Variants in CTNNBIP1 observed in about 807,000 individuals in gnomAD.
CTNNBIP1 encodes the protein beta-catenin-interacting protein 1.
In CTNNBIP1, 7 loss-of-function variants were observed where a neutral mutation model predicts 11.8. The ratio of observed to expected loss-of-function variants is 0.60; its 90% confidence interval spans 0.34 to 1.12. The LOEUF (loss-of-function observed/expected upper bound fraction) is 1.12. CTNNBIP1 is among the 50% of genes most tolerant of loss of function. CTNNBIP1 has a pLI of 0.03. For missense variants in CTNNBIP1, 101 were observed against 113.4 expected (o/e 0.89, Z 0.50); for synonymous variants, 58 against 43.9 (o/e 1.32, Z -1.26).
chr1:9,894,275 G>A (rs947583157), intron 1 of CTNNBIP1, among the ~76,000 whole-genome samples: 6 of 152,164 alleles, frequency 3.9e-5, no homozygotes, highest in Admixed American at 3.3e-4. Flanking sequence ...CATGATACTT[G>A]GCTAATGCCT....
At chr1:9,857,015 G>A (rs1237156268) in intron 5 of CTNNBIP1, among the ~76,000 whole-genome samples, 2 of 150,020 alleles carry the variant, frequency 1.3e-5, no homozygotes, top group South Asian at 4.2e-4. Context: ...CCAGCTACTC[G>A]GGAGGTTGAG....
At chr1:9,859,263 G>A (rs146832396) in intron 5 of CTNNBIP1, among the ~76,000 whole-genome samples, 1 of 152,266 alleles carries the variant, frequency 6.6e-6, no homozygotes, top group Non-Finnish European at 1.5e-5. Context: ...AACCAGGACA[G>A]GGTATCCAGC....
chr1:9,879,451 TC>T (rs1639038253), intron 2 of CTNNBIP1, among the ~76,000 whole-genome samples: 2 of 152,082 alleles, frequency 1.3e-5, no homozygotes, highest in African/African-American at 4.8e-5. Flanking sequence ...TTCAAAAGCC[TC>T]CCCTAAAGTC....
rs891325308 is a variant in CTNNBIP1 at position 9,872,217 on chromosome 1, T to C, written c.-24-129A>G. ...ACCCACAGTCTCCCTTCTGGGAGCA[T>C]GGGGCAGGTGGCGAGGTGCTGGGTT... is the stretch of plus-strand genomic sequence containing the variant. On this transcript the variant is annotated intron_variant, in intron 3 of 5. Coordinates refer to ENST00000377263, the MANE Select transcript of CTNNBIP1 (RefSeq NM_020248.3). The surrounding 1 kb of genome is among the most constrained non-coding windows in gnomAD (Gnocchi z 4.0). 6.0e-5 allele frequency: 39 copies of C among 649,630 alleles called. No individual in the cohort carries two copies. The highest frequency in any genetic ancestry group is 1.2e-4 in the Admixed American group (5 of 42,898). The allele number at this position is 649,630 out of a possible 1,614,324, so 40.2% of individuals were successfully genotyped here.
At chr1:9,885,522 C>T (rs2101515276) in intron 1 of CTNNBIP1, among the ~76,000 whole-genome samples, 1 of 152,004 alleles carries the variant, frequency 6.6e-6, no homozygotes, top group Non-Finnish European at 1.5e-5. Flanking sequence ...CGTGCACTTG[C>T]AGTCACAGTT....
At chr1:9,891,122 A>AG (rs1450176101) in intron 1 of CTNNBIP1, among the ~76,000 whole-genome samples, 1 of 143,270 alleles carries the variant, frequency 7.0e-6, no homozygotes, top group Non-Finnish European at 1.5e-5. Context: ...TCAAGAAGAA[A>AG]GGGGGAAAAC....
intron 2 of CTNNBIP1, among the ~76,000 whole-genome samples, chr1:9,878,968 C>CCA (rs754695852): frequency 2.0e-5 from 3 of 152,160 alleles, no homozygotes; most frequent in Non-Finnish European, 2.9e-5. Context: ...GAGGCCGAGA[C>CCA]AGGTGGATCA....
At position 9,871,227 on chromosome 1, in the gene CTNNBIP1, G is replaced by A; in HGVS notation, c.147C>T (p.Asn49=). Residue 49 remains asparagine, a synonymous_variant, in exon 5 of 6, where the codon AAC becomes AAT. Transcript: ENST00000377263. This position sits in a 1 kb window ranked among gnomAD's most constrained non-coding sequence, Gnocchi z 5.2. The part of the protein sequence containing the change: ...EFLRTYAGVV[N]SQLSQLPPHS... ...GCGGAGGCAGCTGGCTGAGCTGGCTGTTGACCACCCCTGCATAGGTGCGCA... is the reference window on the plus strand; with the variant it reads ...GCGGAGGCAGCTGGCTGAGCTGGCTATTGACCACCCCTGCATAGGTGCGCA... The A allele has an allele frequency of 6.3e-7, 1 of 1,582,092 alleles. No homozygotes were observed. Among genetic ancestry groups the A allele is most frequent in the Non-Finnish European group, 8.6e-7 (1 of 1,164,908 alleles).
At position 9,871,486 on chromosome 1, in the gene CTNNBIP1, C is replaced by T. The variant is rs780404637; in HGVS notation, c.97-209G>A. On this transcript the variant is annotated intron_variant, in intron 4 of 5. Transcript: ENST00000377263. The surrounding 1 kb of genome is among the most constrained non-coding windows in gnomAD (Gnocchi z 5.2). ...TTGGTCCAGGGGTCCAAAGCCTTTGCCACTCAGACTGAATCTGAGATTAAG... is the reference window on the plus strand; with the variant it reads ...TTGGTCCAGGGGTCCAAAGCCTTTGTCACTCAGACTGAATCTGAGATTAAG... 1.7e-4 allele frequency among the ~76,000 whole-genome samples: 25 copies of T among 150,184 alleles called. No homozygotes were observed. Among genetic ancestry groups the T allele is most frequent in the Non-Finnish European group, 3.6e-4 (24 of 67,482 alleles).
chr1:9,902,181 A>C lies in CTNNBIP1; in HGVS notation c.-144+7914T>G, dbSNP rs1639534925. ...GTGCATCAGTTCCCCCAGGAACCCC[A>C]TGAGCACTGTGGAGAGCCCGCCTGC... On this transcript the variant is annotated intron_variant, in intron 1 of 5. Coordinates refer to ENST00000377263, the MANE Select transcript of CTNNBIP1 (RefSeq NM_020248.3). 2.6e-5 allele frequency among the ~76,000 whole-genome samples: 4 copies of C among 152,254 alleles called. No individual in the cohort carries two copies. The South Asian group carries it at 8.3e-4, about 32-fold the overall frequency.
At chr1:9,885,659 A>AG (rs1380459501) in intron 1 of CTNNBIP1, among the ~76,000 whole-genome samples, 1 of 151,496 alleles carries the variant, frequency 6.6e-6, no homozygotes, top group Non-Finnish European at 1.5e-5. Flanking sequence ...AAAAAAAAAA[A>AG]GAGGACAGGT....
In CTNNBIP1 at chr1:9,876,398, C is replaced by T. The variant is rs145086626; in HGVS notation, c.-25+1507G>A. On this transcript the variant is annotated intron_variant, in intron 3 of 5. Coordinates refer to ENST00000377263, the MANE Select transcript of CTNNBIP1 (RefSeq NM_020248.3). ...TTAGGAGGCCGAGGCGGGCAGATCA[C>T]CTGAGGTTAAGAGTTTGAGACTAGC... Among the ~76,000 whole-genome samples the T allele has an allele frequency of 4.2e-3, 642 of 152,266 alleles. 3 individuals carry two copies. The highest frequency in any genetic ancestry group is 7.7e-3 in the Non-Finnish European group (526 of 68,022).
intron 1 of CTNNBIP1, among the ~76,000 whole-genome samples, chr1:9,894,960 T>C (rs895600724): frequency 2.1e-5 from 3 of 144,190 alleles, no homozygotes; most frequent in African/African-American, 8.0e-5. Context: ...CAGGCTGGAG[T>C]GCAGTGGTGC....
Position 9,864,476 on chromosome 1 carries a change from C to T in CTNNBIP1, c.187+6711G>A, listed in dbSNP as rs1353849600. On this transcript the variant is annotated intron_variant, in intron 5 of 5. Transcript: ENST00000377263. ...CCTGAGTAGCCAGGACTACAGGCGC[C>T]CGCCACCACGCCCGGCTAATTTTTT... 2.6e-5 allele frequency among the ~76,000 whole-genome samples: 4 copies of T among 152,322 alleles called. No homozygotes were observed. The South Asian group carries it at 8.3e-4, about 32-fold the overall frequency.
intron 1 of CTNNBIP1, among the ~76,000 whole-genome samples, chr1:9,906,916 T>C (rs1306359695): frequency 6.6e-6 from 1 of 152,218 alleles, no homozygotes; most frequent in African/African-American, 2.4e-5. Flanking sequence ...CCAGTAGAGA[T>C]TCTGGCCTCA....
intron 1 of CTNNBIP1, among the ~76,000 whole-genome samples, chr1:9,904,905 C>CA (rs1475867102): frequency 2.0e-5 from 3 of 152,104 alleles, no homozygotes; most frequent in African/African-American, 7.2e-5. Flanking sequence ...AAAGGAAGCT[C>CA]AATAAAATGC....
At position 9,910,220 on chromosome 1, in the gene CTNNBIP1, C is replaced by A. The variant is rs1557771785; in HGVS notation, c.-269G>T. The A allele has an allele frequency of 6.8e-6, 1 of 147,478 alleles. No homozygotes were observed. The highest frequency in any genetic ancestry group is 2.4e-5 in the African/African-American group (1 of 41,112). 9.1% of individuals were successfully genotyped at this position (147,478 alleles called of 1,614,324 possible). A position where few individuals can be genotyped will look rare whatever the true frequency, so the allele number is the denominator to read the frequency against. On this transcript the variant is annotated 5_prime_UTR_variant, in exon 1 of 6. Transcript: ENST00000377263. Reference sequence around the variant, plus strand: ...GCGGCGGCAGTAGCAGCAGCAGGAGCGGCCGCCTCAGCCTCCGCCTCCCGC... The same window carrying A: ...GCGGCGGCAGTAGCAGCAGCAGGAGAGGCCGCCTCAGCCTCCGCCTCCCGC...
Position 9,861,592 on chromosome 1 carries a change from C to T in CTNNBIP1, c.187+9595G>A, listed in dbSNP as rs543113938. 2.6e-3 allele frequency among the ~76,000 whole-genome samples: 398 copies of T among 152,348 alleles called. 1 individual carries two copies. The highest frequency in any genetic ancestry group is 8.5e-3 in the African/African-American group (355 of 41,576). On this transcript the variant is annotated intron_variant, in intron 5 of 5. Coordinates refer to ENST00000377263, the MANE Select transcript of CTNNBIP1 (RefSeq NM_020248.3). ...TCCTGGGCTCCAGGCTGACAACCAC[C>T]ACAGGCACAAGAGGCTGCTGGGCGG... is the stretch of plus-strand genomic sequence containing the variant.
In CTNNBIP1 at chr1:9,883,940, G is replaced by C. The variant is rs530975891; in HGVS notation, c.-143-202C>G. On this transcript the variant is annotated intron_variant, in intron 1 of 5. Transcript: ENST00000377263. This position sits in a 1 kb window ranked among gnomAD's most constrained non-coding sequence, Gnocchi z 5.6. The stretch of plus-strand genomic sequence containing the variant: ...CCAAACAGTCAAGGAGGAAGAAGGT[G>C]GGGGAACGGGAGTCTGAAGATGCTG... Among the ~76,000 whole-genome samples the C allele has an allele frequency of 1.8e-3, 276 of 152,310 alleles. 1 individual carries two copies. The highest frequency in any genetic ancestry group is 6.8e-3 in the Middle Eastern group (2 of 294).
Sources: gnomAD v4.1 joint callset for allele counts (sites outside exome capture counted in the v4.1 genomes callset) on GRCh38, gnomAD v4.1.1 for gene constraint, Gnocchi (gnomAD v3.1) non-coding constraint, MANE v1.5 for transcripts, NCBI Gene and HGNC (gene_info 2026-07-23, HGNC 2026-07-21) for gene names.